RUNX1: variants seen among roughly 807,000 people sequenced by gnomAD.
RUNX1 encodes the protein RUNX family transcription factor 1.
RUNX1 carries 19 observed loss-of-function variants against 42.8 expected under a neutral mutation model. The ratio of observed to expected loss-of-function variants is 0.44; its 90% CI spans 0.31 to 0.65. The LOEUF (loss-of-function observed/expected upper bound fraction) is 0.65. Among genes scored for constraint, RUNX1 ranks in the 30% least tolerant of loss-of-function variants. The probability of loss-of-function intolerance (pLI) is 0.07; values close to 1 mark genes in which losing one functional copy is unlikely to be tolerated. For synonymous variants in RUNX1, 271 were observed against 289.4 expected (o/e 0.94, Z 0.64); for missense variants, 528 against 672.0 (o/e 0.79, Z 2.37).
At position 34,792,464 on chromosome 21, in the gene RUNX1, C is replaced by A. The variant is rs2145876612; in HGVS notation, c.1114G>T (p.Gly372Cys). 6.3e-7 allele frequency: 1 copy of A among 1,583,140 alleles called. No individual in the cohort carries two copies. Among genetic ancestry groups the A allele is most frequent in the Non-Finnish European group, 8.6e-7 (1 of 1,164,742 alleles). ...TAGGTGTGGTAGCGCGTGGCCGAGC[C>A]CATGGCCGACATGCCGATGCCGATG... is the stretch of plus-strand genomic sequence containing the variant. ...SGIGIGMSAM[G>C]SATRYHTYLP... The change falls in exon 9 of 9, where the codon GGC becomes TGC. Residue 372 changes from glycine to cysteine, a missense_variant. This residue lies in a region of RUNX1 where 331 missense variants were observed against 382.5 expected (regional missense o/e 0.87). Transcript: ENST00000675419. The surrounding 1 kb of genome is among the most constrained non-coding windows in gnomAD (Gnocchi z 6.9).
intron 2 of RUNX1, among the ~76,000 whole-genome samples, chr21:35,047,680 C>G (rs2059410663): frequency 6.6e-6 from 1 of 151,820 alleles, no homozygotes; most frequent in Non-Finnish European, 1.5e-5. Flanking sequence ...AAGTGGCCGG[C>G]AAGCCCTCTG....
At chr21:34,963,454 A>G (rs1019648199) in intron 2 of RUNX1, among the ~76,000 whole-genome samples, 1 of 152,234 alleles carries the variant, frequency 6.6e-6, no homozygotes, top group African/African-American at 2.4e-5. Flanking sequence ...TAGTTTGGCC[A>G]CTGACTGAGC....
At chr21:35,032,592 A>G (rs1419738804) in intron 2 of RUNX1, among the ~76,000 whole-genome samples, 8 of 152,204 alleles carry the variant, frequency 5.3e-5, no homozygotes, top group Admixed American at 5.2e-4. Context: ...GCCTGAGCCA[A>G]TCAGCTCATG....
At chr21:34,926,743 C>A (rs1166368453) in intron 2 of RUNX1, among the ~76,000 whole-genome samples, 5 of 151,848 alleles carry the variant, frequency 3.3e-5, no homozygotes, top group Non-Finnish European at 7.4e-5. Flanking sequence ...GCAATAAGAA[C>A]TGAAGATTTA....
chr21:34,872,982 A>T (rs980421540), intron 5 of RUNX1, among the ~76,000 whole-genome samples: 8 of 152,232 alleles, frequency 5.3e-5, no homozygotes, highest in Admixed American at 4.6e-4. Context: ...AGATAGAATA[A>T]TGAAGGCAGG....
chr21:34,812,879 T>A (rs779495588), intron 7 of RUNX1, among the ~76,000 whole-genome samples: 1 of 152,154 alleles, frequency 6.6e-6, no homozygotes, highest in Admixed American at 6.5e-5. Context: ...GAGGTTGAGA[T>A]AGCAGACAAC....
At chr21:34,866,918 T>A (rs2057671280) in intron 5 of RUNX1, among the ~76,000 whole-genome samples, 1 of 152,174 alleles carries the variant, frequency 6.6e-6, no homozygotes, top group Non-Finnish European at 1.5e-5. Context: ...TAGAACTCAG[T>A]TTTCCATGGA....
intron 6 of RUNX1, among the ~76,000 whole-genome samples, chr21:34,840,334 C>T (rs1031389509): frequency 2.0e-5 from 3 of 152,182 alleles, no homozygotes; most frequent in East Asian, 1.9e-4. Context: ...CCCAGGGAAA[C>T]GTGAATGCTA....
chr21:34,888,720 T>C, intron 3 of RUNX1: 3 of 1,025,788 alleles, frequency 2.9e-6, no homozygotes, highest in Non-Finnish European at 3.5e-6. Flanking sequence ...GAACGTGCTT[T>C]TACTGTAAGC....
intron 6 of RUNX1, among the ~76,000 whole-genome samples, chr21:34,840,335 G>A (rs1223026684): frequency 6.6e-6 from 1 of 152,150 alleles, no homozygotes. Context: ...CCAGGGAAAC[G>A]TGAATGCTAG....
intron 2 of RUNX1, among the ~76,000 whole-genome samples, chr21:34,931,351 C>CGTGTATATAT (rs1569111026): frequency 6.9e-6 from 1 of 144,100 alleles, no homozygotes; most frequent in African/African-American, 2.6e-5. Flanking sequence ...TATATATATA[C>CGTGTATATAT]ATGTGTATAT....
intron 2 of RUNX1, among the ~76,000 whole-genome samples, chr21:35,017,035 AG>A (rs992500782): frequency 3.7e-4 from 47 of 128,018 alleles, no homozygotes; most frequent in African/African-American, 1.4e-3. Context: ...CAAAAATGGG[AG>A]GGGGTGGGAA....
chr21:34,995,183 G>T (rs967408634), intron 2 of RUNX1, among the ~76,000 whole-genome samples: 1 of 152,154 alleles, frequency 6.6e-6, no homozygotes, highest in Non-Finnish European at 1.5e-5. Flanking sequence ...ACCTTGTGAG[G>T]CCACTATGTC....
chr21:34,970,950 C>T (rs76927334), intron 2 of RUNX1, among the ~76,000 whole-genome samples: 2,649 of 152,306 alleles, frequency 0.017, 36 homozygotes, highest in Admixed American at 0.028. Flanking sequence ...CAACTACTTA[C>T]TAGCTGTTTG....
At chr21:34,891,072 T>G (rs2058076001) in intron 3 of RUNX1, among the ~76,000 whole-genome samples, 1 of 151,920 alleles carries the variant, frequency 6.6e-6, no homozygotes, top group Admixed American at 6.6e-5. Context: ...GGGAGGCTCC[T>G]CTGGGTCTCG....
chr21:34,887,787 G>A (rs1234834918), intron 3 of RUNX1: 1 of 1,062,206 alleles, frequency 9.4e-7, no homozygotes, highest in African/African-American at 1.6e-5. Context: ...ATTAATGTAC[G>A]CTGCAGATTT....
At chr21:34,826,066 TG>T (rs1369951080) in intron 7 of RUNX1, among the ~76,000 whole-genome samples, 2 of 152,248 alleles carry the variant, frequency 1.3e-5, no homozygotes, top group Non-Finnish European at 2.9e-5. Context: ...CCACCAAGTT[TG>T]TGGTTATTTG....
intron 2 of RUNX1, among the ~76,000 whole-genome samples, chr21:35,037,320 T>C (rs1398621359): frequency 1.3e-5 from 2 of 152,210 alleles, no homozygotes; most frequent in African/African-American, 4.8e-5. Context: ...GTCTGGGAAC[T>C]GCCTGAACAT....
chr21:34,835,958 C>T (rs1341690755), intron 6 of RUNX1, among the ~76,000 whole-genome samples: 1 of 152,216 alleles, frequency 6.6e-6, no homozygotes, highest in Non-Finnish European at 1.5e-5. Flanking sequence ...ATGATGGCTG[C>T]AAATCTCCAT....
Sources: allele counts gnomAD v4.1 joint callset (sites outside exome capture counted in the v4.1 genomes callset), GRCh38; gene constraint gnomAD v4.1.1; regional missense constraint gnomAD v4.1.1; non-coding constraint Gnocchi (gnomAD v3.1); transcripts MANE v1.5; gene names NCBI Gene and HGNC (gene_info 2026-07-23, HGNC 2026-07-21).